Variants in CADPS observed in about 807,000 individuals in gnomAD.
CADPS encodes the protein calcium-dependent secretion activator 1.
In CADPS, 57 loss-of-function variants were observed where a neutral mutation model predicts 167.3. The observed-to-expected ratio is 0.34, with a 90% CI of 0.28 to 0.42. The LOEUF (loss-of-function observed/expected upper bound fraction) is 0.42. CADPS is among the 20% of genes least tolerant of loss of function. The pLI is 1.00. For synonymous variants in CADPS, 676 were observed against 635.3 expected, an observed-to-expected ratio of 1.06 and a Z score of -0.96; for missense variants, 1,414 against 1,738.1, an observed-to-expected ratio of 0.81 and a Z score of 3.32.
intron 8 of CADPS, 66 bp from the exon 9 acceptor site, chr3:62,571,004 T>C: frequency 9.4e-7 from 1 of 1,062,692 alleles, no homozygotes; most frequent in Non-Finnish European, 1.5e-6. Flanking sequence ...GAACACACTT[T>C]GCCGTGAAGC....
chr3:62,851,111 GT>G (rs1299236979), intron 1 of CADPS, among the ~76,000 whole-genome samples: 1 of 120,946 alleles, frequency 8.3e-6, no homozygotes, highest in Non-Finnish European at 1.8e-5. Context: ...GCCTTTTTTT[GT>G]TTTCCATTTG....
intron 3 of CADPS, among the ~76,000 whole-genome samples, chr3:62,685,073 T>C (rs931494331): frequency 2.0e-5 from 3 of 152,014 alleles, no homozygotes; most frequent in Non-Finnish European, 2.9e-5. Context: ...AAAGTCGCTA[T>C]CAATGAAAGA....
chr3:62,490,259 A>G (rs1024363009), intron 21 of CADPS, among the ~76,000 whole-genome samples: 1 of 152,182 alleles, frequency 6.6e-6, no homozygotes, highest in African/African-American at 2.4e-5. Context: ...TGTTTGCTGC[A>G]TCCCAAAGAT....
At chr3:62,506,584 T>C (rs1382948711) in intron 17 of CADPS, among the ~76,000 whole-genome samples, 2 of 152,234 alleles carry the variant, frequency 1.3e-5, no homozygotes, top group African/African-American at 4.8e-5. Context: ...TAATTCTGCA[T>C]GGACATTGTG....
intron 1 of CADPS, among the ~76,000 whole-genome samples, chr3:62,817,545 C>T (rs769542870): frequency 6.6e-6 from 1 of 152,088 alleles, no homozygotes; most frequent in East Asian, 1.9e-4. Context: ...TTTTTTATTC[C>T]TTTAATCCCT....
At chr3:62,747,122 C>A (rs1408728458) in intron 3 of CADPS, among the ~76,000 whole-genome samples, 1 of 152,144 alleles carries the variant, frequency 6.6e-6, no homozygotes, top group African/African-American at 2.4e-5. Flanking sequence ...ATGCCTAGTG[C>A]AAAGTAGATG....
intron 6 of CADPS, among the ~76,000 whole-genome samples, chr3:62,639,650 A>G (rs958643750): frequency 6.6e-6 from 1 of 152,178 alleles, no homozygotes; most frequent in African/African-American, 2.4e-5. Context: ...GTCCTTAAAG[A>G]TATTTCAGGT....
intron 3 of CADPS, among the ~76,000 whole-genome samples, chr3:62,732,403 G>T (rs1330082152): frequency 6.6e-6 from 1 of 152,156 alleles, no homozygotes; most frequent in Non-Finnish European, 1.5e-5. Context: ...CACTGAGAGA[G>T]CTTGGCTATA....
chr3:62,871,162 G>C (rs1486595961), intron 1 of CADPS, among the ~76,000 whole-genome samples: 1 of 152,084 alleles, frequency 6.6e-6, no homozygotes, highest in African/African-American at 2.4e-5. Flanking sequence ...CTTTTTCTCA[G>C]TAAAAGTGAA....
At chr3:62,798,198 AAAGGAGATT>A (rs1286975443) in intron 1 of CADPS, among the ~76,000 whole-genome samples, 3 of 152,152 alleles carry the variant, frequency 2.0e-5, no homozygotes, top group Non-Finnish European at 4.4e-5. Flanking sequence ...GGGTGGTGCC[AAAGGAGATT>A]AACACTGGAG....
chr3:62,484,550 T>C (rs2062523252), intron 21 of CADPS, among the ~76,000 whole-genome samples: 1 of 152,204 alleles, frequency 6.6e-6, no homozygotes, highest in African/African-American at 2.4e-5. Context: ...CATTAAAATT[T>C]ACACTCTTTC....
chr3:62,624,395 A>C (rs2245184), intron 6 of CADPS, among the ~76,000 whole-genome samples: 138,250 of 152,022 alleles, frequency 0.91, 63,573 homozygotes, highest in East Asian at 1. Flanking sequence ...CAGACCATCC[A>C]TATGTTTCAG....
intron 3 of CADPS, among the ~76,000 whole-genome samples, chr3:62,720,357 C>T (rs11706174): frequency 0.084 from 11,828 of 140,844 alleles, 617 homozygotes; most frequent in Non-Finnish European, 0.12. Context: ...TTTTGAAACA[C>T]GGTATCGCTC....
At chr3:62,501,930 C>A (rs572064969) in intron 17 of CADPS, among the ~76,000 whole-genome samples, 4 of 152,118 alleles carry the variant, frequency 2.6e-5, no homozygotes, top group Non-Finnish European at 5.9e-5. Context: ...TATGTGTATG[C>A]CTGATGTATA....
intron 4 of CADPS, among the ~76,000 whole-genome samples, chr3:62,661,301 G>A (rs1318461037): frequency 1.3e-5 from 2 of 152,168 alleles, no homozygotes; most frequent in Non-Finnish European, 2.9e-5. Context: ...GAACACAAAG[G>A]TGGAAAGGAC....
chr3:62,478,061 A>G lies in CADPS; in HGVS notation c.3329+200T>C, dbSNP rs570206861. The G allele has an allele frequency of 9.2e-6, 5 of 545,702 alleles. No individual in the cohort carries two copies. The highest frequency in any genetic ancestry group is 6.4e-6 in the Non-Finnish European group (2 of 311,832). 33.8% of individuals were successfully genotyped at this position (545,702 alleles called of 1,614,324 possible). ...CCATGAAAAAATTGGCAGCCAGATTATTTTGGGTTTGGGACAGATGGAGGG... is the reference window on the plus strand; with the variant it reads ...CCATGAAAAAATTGGCAGCCAGATTGTTTTGGGTTTGGGACAGATGGAGGG... On this transcript the variant is annotated intron_variant, in intron 23 of 29. Coordinates refer to ENST00000383710, the MANE Select transcript of CADPS (RefSeq NM_003716.4). This position sits in a 1 kb window ranked among gnomAD's most constrained non-coding sequence, Gnocchi z 5.7.
At chr3:62,729,376 C>A (rs34576248) in intron 3 of CADPS, among the ~76,000 whole-genome samples, 1 of 151,760 alleles carries the variant, frequency 6.6e-6, no homozygotes, top group South Asian at 2.1e-4. Context: ...ATGCCCTTAA[C>A]TGAAACCACA....
chr3:62,632,775 TA>T lies in CADPS; in HGVS notation c.1325+12946del, dbSNP rs2065533784. ...ATCTAGAAGGGGAAGGGAATGCGTT[TA>T]TTTTTTTTGGTTAGGTGTCAATGTC... On this transcript the variant is annotated intron_variant, in intron 6 of 29. Coordinates refer to ENST00000383710, the MANE Select transcript of CADPS (RefSeq NM_003716.4). Among the ~76,000 whole-genome samples, 4 of 152,258 alleles carry T rather than the reference TA, an allele frequency of 2.6e-5. No individual in the cohort carries two copies. In the South Asian group the frequency reaches 8.3e-4, roughly 32 times the overall value.
intron 3 of CADPS, among the ~76,000 whole-genome samples, chr3:62,700,977 G>C (rs77266386): frequency 0.035 from 5,393 of 152,126 alleles, 133 homozygotes; most frequent in South Asian, 0.088. Context: ...AGATGGCCAA[G>C]TTCTTTTATC....
Sources: gnomAD v4.1 joint callset for allele counts (sites outside exome capture counted in the v4.1 genomes callset) on GRCh38, gnomAD v4.1.1 for gene constraint, Gnocchi (gnomAD v3.1) non-coding constraint, MANE v1.5 for transcripts, NCBI Gene and HGNC (gene_info 2026-07-23, HGNC 2026-07-21) for gene names.